TMEM132D: variants seen among roughly 807,000 people sequenced by gnomAD.
TMEM132D encodes the protein transmembrane protein 132D.
Under a neutral mutation model 62.3 loss-of-function variants are expected in TMEM132D, and 21 were observed. The ratio of observed to expected loss-of-function variants is 0.34; its 90% confidence interval spans 0.24 to 0.49. The LOEUF (loss-of-function observed/expected upper bound fraction) is 0.49. Among genes scored for constraint, TMEM132D ranks in the 20% least tolerant of loss-of-function variants. TMEM132D has a pLI of 0.99. For missense variants in TMEM132D, 1,346 were observed against 1,402.8 expected, an observed-to-expected ratio of 0.96 and a Z score of 0.65; for synonymous variants, 621 against 575.6, an observed-to-expected ratio of 1.08 and a Z score of -1.13.
At chr12:129,500,316 G>A (rs750363517) in intron 3 of TMEM132D, among the ~76,000 whole-genome samples, 8 of 150,300 alleles carry the variant, frequency 5.3e-5, no homozygotes, top group Non-Finnish European at 1.2e-4. Flanking sequence ...GACCTCATCT[G>A]TCCCCCATCA....
intron 4 of TMEM132D, among the ~76,000 whole-genome samples, chr12:129,221,542 G>A (rs1039015913): frequency 2.6e-5 from 4 of 152,134 alleles, no homozygotes; most frequent in Admixed American, 1.3e-4. Flanking sequence ...CCATAGGCTG[G>A]GTGGCTAGCC....
At chr12:129,244,385 C>CAAAAAAAAAAAAAAAAAA (rs751155633) in intron 4 of TMEM132D, among the ~76,000 whole-genome samples, 2 of 85,232 alleles carry the variant, frequency 2.3e-5, no homozygotes, top group African/African-American at 4.2e-5. Context: ...GACTCTGTCT[C>CAAAAAAAAAAAAAAAAAA]AAAAAAAAAA....
intron 2 of TMEM132D, among the ~76,000 whole-genome samples, chr12:129,628,507 T>G (rs1272955081): frequency 2.6e-5 from 4 of 151,552 alleles, no homozygotes; most frequent in Non-Finnish European, 5.9e-5. Context: ...TTCTCTTGCT[T>G]CTTCTTCATT....
rs184778944 is a variant in TMEM132D, at chr12:129,699,884, G to A, written c.894C>T (p.Thr298=). Residue 298 remains threonine (T), a synonymous_variant, in exon 2 of 9, where the codon ACC becomes ACT. Transcript: ENST00000422113. ...NSVAIHYIPK[T]VRKGDVLTFP... is the part of the protein sequence containing the mutation. ...AAGTCAGCACGTCTCCTTTCCTCAC[G>A]GTCTTTGGTATATAGTGGATGGCCA... is the stretch of plus-strand genomic sequence containing the variant. 29 of 1,614,162 alleles carry A rather than the reference G, an allele frequency of 1.8e-5. No homozygotes were observed. In the East Asian group the frequency reaches 4.9e-4, roughly 27 times the overall value.
chr12:129,368,648 T>C (rs971557462), intron 3 of TMEM132D, among the ~76,000 whole-genome samples: 3 of 152,094 alleles, frequency 2.0e-5, no homozygotes, highest in African/African-American at 7.2e-5. Flanking sequence ...TTGACGAGCA[T>C]TCAGTGACTA....
At chr12:129,134,932 C>A (rs1876513296) in intron 5 of TMEM132D, among the ~76,000 whole-genome samples, 1 of 152,250 alleles carries the variant, frequency 6.6e-6, no homozygotes, top group Non-Finnish European at 1.5e-5. Flanking sequence ...AGTGACTGGT[C>A]TAAGGTGTGC....
chr12:129,877,555 G>C (rs1874458494), intron 1 of TMEM132D, among the ~76,000 whole-genome samples: 1 of 152,174 alleles, frequency 6.6e-6, no homozygotes, highest in Admixed American at 6.5e-5. Flanking sequence ...CAGAACAGCA[G>C]GGACAGCAAT....
intron 5 of TMEM132D, among the ~76,000 whole-genome samples, chr12:129,174,249 C>T (rs1877834745): frequency 6.6e-6 from 1 of 152,242 alleles, no homozygotes; most frequent in African/African-American, 2.4e-5. Context: ...CCTCAACAGG[C>T]CCTGGGGTGT....
At chr12:129,244,336 A>G (rs1880023031) in intron 4 of TMEM132D, among the ~76,000 whole-genome samples, 2 of 147,170 alleles carry the variant, frequency 1.4e-5, no homozygotes, top group Admixed American at 6.9e-5. Context: ...CAGTGAGCCG[A>G]GATCGCGCCA....
intron 5 of TMEM132D, among the ~76,000 whole-genome samples, chr12:129,176,412 G>A (rs1877907746): frequency 6.6e-6 from 1 of 152,200 alleles, no homozygotes; most frequent in African/African-American, 2.4e-5. Context: ...GAGGGATGTA[G>A]CCACCATTGG....
At chr12:129,266,862 T>A (rs1880710118) in intron 4 of TMEM132D, among the ~76,000 whole-genome samples, 1 of 152,212 alleles carries the variant, frequency 6.6e-6, no homozygotes, top group African/African-American at 2.4e-5. Context: ...TCATCACATC[T>A]CACCTGGGTA....
chr12:129,339,248 T>C (rs1869388007), intron 3 of TMEM132D, among the ~76,000 whole-genome samples: 1 of 132,918 alleles, frequency 7.5e-6, no homozygotes, highest in Non-Finnish European at 1.6e-5. Context: ...GCCTGGGTGA[T>C]GAAATGAAAA....
At position 129,162,162 on chromosome 12, in the gene TMEM132D, G is replaced by T. The variant is rs141997435; in HGVS notation, c.1443+47358C>A. Among the ~76,000 whole-genome samples the T allele has an allele frequency of 1.9e-3, 289 of 152,172 alleles. 2 individuals are homozygous for T. Among genetic ancestry groups the T allele is most frequent in the African/African-American group, 6.6e-3 (272 of 41,504 alleles). On this transcript the variant is annotated intron_variant, in intron 5 of 8. Coordinates refer to ENST00000422113, the MANE Select transcript of TMEM132D (RefSeq NM_133448.3). ...TAGGGAAGTAATTAAGGATAAATGAGGTCATAAGGGTGGGGCCCTAATCTG... is the reference window on the plus strand; with the variant it reads ...TAGGGAAGTAATTAAGGATAAATGATGTCATAAGGGTGGGGCCCTAATCTG...
intron 3 of TMEM132D, among the ~76,000 whole-genome samples, chr12:129,527,554 T>C (rs7959083): frequency 0.67 from 101,859 of 151,996 alleles, 34,628 homozygotes; most frequent in African/African-American, 0.78. Flanking sequence ...ATGTAAGTTT[T>C]TCTCATTCAA....
chr12:129,614,251 A>G (rs7315885), intron 2 of TMEM132D, among the ~76,000 whole-genome samples: 41,305 of 152,200 alleles, frequency 0.27, 6,034 homozygotes, highest in East Asian at 0.49. Flanking sequence ...AAACCTAAGT[A>G]AAGTGGCTTA....
At chr12:129,297,815 G>A (rs923057110) in intron 4 of TMEM132D, among the ~76,000 whole-genome samples, 9 of 152,074 alleles carry the variant, frequency 5.9e-5, no homozygotes, top group South Asian at 2.1e-4. Flanking sequence ...GTCACAGGTC[G>A]GCTGGGGACG....
chr12:129,648,674 G>C (rs976831085), intron 2 of TMEM132D, among the ~76,000 whole-genome samples: 2 of 152,114 alleles, frequency 1.3e-5, no homozygotes, highest in Non-Finnish European at 2.9e-5. Context: ...TGTTCAATTG[G>C]TATACAAGTC....
chr12:129,802,963 G>C (rs1007360649), intron 1 of TMEM132D, among the ~76,000 whole-genome samples: 6 of 150,686 alleles, frequency 4.0e-5, no homozygotes, highest in African/African-American at 1.5e-4. Flanking sequence ...TAATGGTAAA[G>C]GGATCAATTC....
At chr12:129,514,144 G>C (rs893311092) in intron 3 of TMEM132D, among the ~76,000 whole-genome samples, 3 of 151,990 alleles carry the variant, frequency 2.0e-5, no homozygotes, top group African/African-American at 7.2e-5. Flanking sequence ...CGGCCAATGG[G>C]GACCAAATTT....
Sources: gnomAD v4.1 joint callset for allele counts (sites outside exome capture counted in the v4.1 genomes callset) on GRCh38, gnomAD v4.1.1 for gene constraint, MANE v1.5 for transcripts, NCBI Gene and HGNC (gene_info 2026-07-23, HGNC 2026-07-21) for gene names.